Variants in ZER1 observed in about 807,000 individuals in gnomAD.
The protein encoded by ZER1 is protein zer-1 homolog.
In ZER1, 11 loss-of-function variants were observed where a neutral mutation model predicts 78.8. The ratio of observed to expected loss-of-function variants is 0.14; its 90% CI spans 0.09 to 0.23. ZER1 has a LOEUF of 0.23. Among genes scored for constraint, ZER1 ranks in the 10% least tolerant of loss-of-function variants. ZER1 has a pLI of 1.00. For synonymous variants in ZER1, 400 were observed against 407.0 expected (o/e 0.98, Z 0.21); for missense variants, 588 against 996.9 (o/e 0.59, Z 5.52).
In ZER1 at chr9:128,752,866, G is replaced by T; in HGVS notation, c.747-17C>A. On this transcript the variant is annotated splice_polypyrimidine_tract_variant and intron_variant, in intron 4 of 15. Transcript: ENST00000291900. ...TCCAGGTGTCTGAAGATTGGGGTAG[G>T]GGGTGCAGGTTAGGAGCTGGGTACA... 1 of 1,610,270 alleles carries T rather than the reference G, an allele frequency of 6.2e-7. No homozygotes were observed. Among genetic ancestry groups the T allele is most frequent in the Admixed American group, 1.7e-5 (1 of 59,776 alleles).
chr9:128,751,110 C>G lies in ZER1; in HGVS notation c.1185+12G>C. On this transcript the variant is annotated intron_variant, in intron 7 of 15. Coordinates refer to ENST00000291900, the MANE Select transcript of ZER1 (RefSeq NM_006336.4). This position sits in a 1 kb window ranked among gnomAD's most constrained non-coding sequence, Gnocchi z 5.4. The stretch of plus-strand genomic sequence containing the variant: ...AGGGACAGGAGGCCAAGGCCCCAGG[C>G]TTGGAGCTGACCTTCAGGGCCCGCA... The G allele has an allele frequency of 6.3e-7, 1 of 1,579,814 alleles. No homozygotes were observed. The highest frequency in any genetic ancestry group is 8.6e-7 in the Non-Finnish European group (1 of 1,158,388).
intron 13 of ZER1, among the ~76,000 whole-genome samples, chr9:128,738,531 G>A (rs1418525169): frequency 1.4e-5 from 2 of 142,684 alleles, no homozygotes; most frequent in East Asian, 2.1e-4. Flanking sequence ...GACTACAGGC[G>A]CATGCCACCA....
At position 128,764,175 on chromosome 9, in the gene ZER1, G is replaced by A. The variant is rs530061373; in HGVS notation, c.-95+7406C>T. Among the ~76,000 whole-genome samples the A allele has an allele frequency of 3.9e-5, 6 of 152,270 alleles. No homozygotes were observed. The South Asian group carries it at 1.2e-3, about 32-fold the overall frequency. ...CATGACTATTTGCTAAATGAACAAA[G>A]GAAGCACTGAACACTCAATGTGGGG... On this transcript the variant is annotated intron_variant, in intron 1 of 15. Coordinates refer to ENST00000291900, the MANE Select transcript of ZER1 (RefSeq NM_006336.4).
At chr9:128,767,875 C>G (rs1310244722) in intron 1 of ZER1, among the ~76,000 whole-genome samples, 2 of 152,148 alleles carry the variant, frequency 1.3e-5, no homozygotes, top group South Asian at 2.1e-4. Context: ...TCTGGGGTCT[C>G]CATTACAGAG....
intron 9 of ZER1, among the ~76,000 whole-genome samples, chr9:128,742,124 T>C (rs1234722760): frequency 6.6e-6 from 1 of 152,226 alleles, no homozygotes; most frequent in Non-Finnish European, 1.5e-5. Flanking sequence ...TGCCATCAAA[T>C]GAGACCAGAA....
At chr9:128,767,724 C>T (rs1313475773) in intron 1 of ZER1, among the ~76,000 whole-genome samples, 1 of 152,194 alleles carries the variant, frequency 6.6e-6, no homozygotes, top group Non-Finnish European at 1.5e-5. Context: ...GCTTTCCCTT[C>T]TGTTCCACGA....
At chr9:128,743,980 C>T (rs1340679575) in intron 8 of ZER1, among the ~76,000 whole-genome samples, 1 of 150,894 alleles carries the variant, frequency 6.6e-6, no homozygotes, top group Admixed American at 6.7e-5. Flanking sequence ...CTCACTGCAA[C>T]CCCTGCCTGT....
rs1863754946 is a variant in ZER1 at position 128,753,498 on chromosome 9, C to T, written c.412G>A (p.Gly138Ser). 2 of 1,614,120 alleles carry T rather than the reference C, an allele frequency of 1.2e-6. No homozygotes were observed. Among genetic ancestry groups the T allele is most frequent in the Non-Finnish European group, 1.7e-6 (2 of 1,180,020 alleles). ...TCCTCATAGAAAATGTTTGTACAGC[C>T]GAAGAGGCTCAAGGACACCAGGGTG... ...SHTLVSLSLF[G>S]CTNIFYEEEN... is the part of the protein sequence containing the mutation. Residue 138 changes from glycine (G) to serine (S), a missense_variant, in exon 4 of 16, where the codon GGC becomes AGC. By Grantham distance (56) the Gly-to-Ser change is moderately conservative. Around this residue, in one of 3 missense-constraint regions of ZER1, gnomAD observed 406 missense variants for 660.1 expected, o/e 0.62. Coordinates refer to ENST00000291900, the MANE Select transcript of ZER1 (RefSeq NM_006336.4). The surrounding 1 kb of genome is among the most constrained non-coding windows in gnomAD (Gnocchi z 7.5).
intron 8 of ZER1, among the ~76,000 whole-genome samples, chr9:128,748,351 G>A (rs530757840): frequency 1.3e-5 from 2 of 149,360 alleles, no homozygotes; most frequent in Admixed American, 6.7e-5. Context: ...GCAGTGAGCC[G>A]AGATCGTGCC....
At position 128,750,658 on chromosome 9, in the gene ZER1, G is replaced by A. The variant is rs1172652593; in HGVS notation, c.1317C>T (p.Ile439=). The change falls in exon 8 of 16, where the codon ATC becomes ATT. Residue 439 remains isoleucine (I), a synonymous_variant. Transcript: ENST00000291900. ...ATTCCATGCCATTCAGCACCACCTG[G>A]ATAACCTGCCGGCGCAGCTTCACAC... ...EQSVKLRRQV[I]QVVLNGMESY... 6.2e-7 allele frequency: 1 copy of A among 1,614,220 alleles called. No homozygotes were observed. The highest frequency in any genetic ancestry group is 1.1e-5 in the South Asian group (1 of 91,082).
chr9:128,751,316 G>C lies in ZER1; in HGVS notation c.1039-48C>G. ...ACAACCCAGCAGAGGCCAAGGGCTG[G>C]GATGCCAGATCCCAGCTCAGTCTCC... is the stretch of plus-strand genomic sequence containing the variant. On this transcript the variant is annotated intron_variant, in intron 6 of 15. Coordinates refer to ENST00000291900, the MANE Select transcript of ZER1 (RefSeq NM_006336.4). The surrounding 1 kb of genome is among the most constrained non-coding windows in gnomAD (Gnocchi z 5.4). 6.2e-7 allele frequency: 1 copy of C among 1,605,364 alleles called. No homozygotes were observed. The highest frequency in any genetic ancestry group is 8.5e-7 in the Non-Finnish European group (1 of 1,173,544).
At chr9:128,739,084 T>C (rs1011200857) in intron 13 of ZER1, among the ~76,000 whole-genome samples, 1 of 151,212 alleles carries the variant, frequency 6.6e-6, no homozygotes, top group Admixed American at 6.6e-5. Context: ...ACTCCTGACC[T>C]CGTGATCTGC....
chr9:128,754,402 A>G lies in ZER1; in HGVS notation c.159-443T>C, dbSNP rs1464805260. ...CTGTTGAGACATCAGCTCATGCAAGAATCCTGGTCTGCTGGGAAATGCTTT... is the reference window on the plus strand; with the variant it reads ...CTGTTGAGACATCAGCTCATGCAAGGATCCTGGTCTGCTGGGAAATGCTTT... On this transcript the variant is annotated intron_variant, in intron 2 of 15. Coordinates refer to ENST00000291900, the MANE Select transcript of ZER1 (RefSeq NM_006336.4). The surrounding 1 kb of genome is among the most constrained non-coding windows in gnomAD (Gnocchi z 4.3). Among the ~76,000 whole-genome samples, 1 of 152,228 alleles carries G rather than the reference A, an allele frequency of 6.6e-6. No homozygotes were observed. Among genetic ancestry groups the G allele is most frequent in the African/African-American group, 2.4e-5 (1 of 41,466 alleles).
At chr9:128,768,031 T>G (rs1426910760) in intron 1 of ZER1, among the ~76,000 whole-genome samples, 1 of 152,040 alleles carries the variant, frequency 6.6e-6, no homozygotes, top group Non-Finnish European at 1.5e-5. Flanking sequence ...GTGAACAGGG[T>G]TGCTGAGGAG....
chr9:128,753,286 G>A lies in ZER1; in HGVS notation c.624C>T (p.Gly208=), dbSNP rs778262620. Residue 208 remains glycine, a synonymous_variant, in exon 4 of 16, where the codon GGC becomes GGT. Coordinates refer to ENST00000291900, the MANE Select transcript of ZER1 (RefSeq NM_006336.4). The surrounding 1 kb of genome is among the most constrained non-coding windows in gnomAD (Gnocchi z 7.5). The stretch of plus-strand genomic sequence containing the variant: ...GGAAGGCGGCGTCGCTCGTCTGAAT[G>A]CCTGAGAGGTCCAAGGCAGCCAGGG... ...LNSLAALDLS[G]IQTSDAAFLT... 1.6e-5 allele frequency: 26 copies of A among 1,610,344 alleles called. No individual in the cohort carries two copies. The highest frequency in any genetic ancestry group is 2.1e-5 in the Non-Finnish European group (25 of 1,178,324).
rs1190668112 is a variant in ZER1, at chr9:128,766,347, C to CAA, written c.-95+5232_-95+5233dup. On this transcript the variant is annotated intron_variant, in intron 1 of 15. Transcript: ENST00000291900. ...CTGGCAACAGAGCAAGATTCCATCT[C>CAA]AAAAAAAAAAAAAAAAAAAGAACTC... is the stretch of plus-strand genomic sequence containing the variant. Among the ~76,000 whole-genome samples the CAA allele has an allele frequency of 6.1e-3, 328 of 53,340 alleles. 4 individuals are homozygous for CAA. In the East Asian group the frequency reaches 0.062, roughly 10 times the overall value. 35.0% of individuals were successfully genotyped at this position (53,340 alleles called of 152,430 possible).
chr9:128,758,001 G>C (rs994410075), intron 1 of ZER1, among the ~76,000 whole-genome samples: 3 of 151,880 alleles, frequency 2.0e-5, no homozygotes, highest in African/African-American at 4.8e-5. Flanking sequence ...CACTGGCATT[G>C]GAATGGATAA....
chr9:128,765,221 A>G (rs1864169579), intron 1 of ZER1, among the ~76,000 whole-genome samples: 1 of 101,574 alleles, frequency 9.8e-6, no homozygotes, highest in African/African-American at 5.4e-5. Flanking sequence ...GTACACACAC[A>G]CACACACACA....
intron 14 of ZER1, among the ~76,000 whole-genome samples, chr9:128,734,083 G>A (rs367894956): frequency 2.4e-5 from 2 of 83,474 alleles, no homozygotes; most frequent in South Asian, 5.3e-4. Context: ...AGTCGAGATC[G>A]CGCCACTGCA....
Sources: allele counts gnomAD v4.1 joint callset (sites outside exome capture counted in the v4.1 genomes callset), GRCh38; gene constraint gnomAD v4.1.1; regional missense constraint gnomAD v4.1.1; non-coding constraint Gnocchi (gnomAD v3.1); transcripts MANE v1.5; gene names NCBI Gene and HGNC (gene_info 2026-07-23, HGNC 2026-07-21).